Variants in FRYL observed in about 807,000 individuals in gnomAD.
FRYL encodes FRY like transcription coactivator, also known as protein furry homolog-like.
Under a neutral mutation model 351.2 loss-of-function variants are expected in FRYL, and 150 were observed. The observed-to-expected ratio is 0.43, with a 90% CI of 0.37 to 0.49. The LOEUF (loss-of-function observed/expected upper bound fraction) is 0.49. FRYL is among the 20% of genes least tolerant of loss of function. The pLI, the probability that FRYL is intolerant of heterozygous loss-of-function variation, is 0.00. For synonymous variants in FRYL, 1,153 were observed against 1,257.1 expected, an observed-to-expected ratio of 0.92 and a Z score of 1.75; for missense variants, 3,036 against 3,619.3, an observed-to-expected ratio of 0.84 and a Z score of 4.13.
At chr4:48,621,824 T>C (rs1476604873) in intron 5 of FRYL, among the ~76,000 whole-genome samples, 1 of 152,204 alleles carries the variant, frequency 6.6e-6, no homozygotes, top group African/African-American at 2.4e-5. Context: ...TTGGCTGTTC[T>C]CATTTTCATT....
Position 48,501,877 on chromosome 4 carries a change from G to A in FRYL, c.8482-144C>T, listed in dbSNP as rs569727639. The A allele has an allele frequency of 2.1e-4, 124 of 592,298 alleles. 1 individual carries two copies. Among genetic ancestry groups the A allele is most frequent in the South Asian group, 8.8e-4 (42 of 47,890 alleles). 36.7% of individuals were successfully genotyped at this position (592,298 alleles called of 1,614,324 possible). A position where few individuals can be genotyped will look rare whatever the true frequency, so the allele number is the denominator to read the frequency against. ...ATGGTATGAAGCTGATGAAAGGCAC[G>A]TGAAATATGCTTTAAAGACTAAGAT... On this transcript the variant is annotated intron_variant, in intron 61 of 63. Transcript: ENST00000358350.
At chr4:48,712,402 C>G (rs545540869) in intron 1 of FRYL, among the ~76,000 whole-genome samples, 11 of 151,972 alleles carry the variant, frequency 7.2e-5, no homozygotes, top group Admixed American at 1.3e-4. Context: ...AGCCAAGGCT[C>G]GAGAACTACA....
intron 1 of FRYL, among the ~76,000 whole-genome samples, chr4:48,758,710 A>G (rs931369844): frequency 4.6e-5 from 7 of 152,214 alleles, no homozygotes; most frequent in African/African-American, 1.7e-4. Flanking sequence ...ATAACATTTG[A>G]CCCAGTCATC....
In FRYL at chr4:48,550,714, T is replaced by C. The variant is rs538852953; in HGVS notation, c.4521-10A>G. Reference sequence around the variant, plus strand: ...GTCCAGGTGCACATAGCTATGGGAATGATCACTGAAGTTAGTCACAGTTCA... The same window carrying C: ...GTCCAGGTGCACATAGCTATGGGAACGATCACTGAAGTTAGTCACAGTTCA... On this transcript the variant is annotated splice_polypyrimidine_tract_variant and intron_variant, in intron 37 of 63. Coordinates refer to ENST00000358350, the MANE Select transcript of FRYL (RefSeq NM_015030.2). The C allele has an allele frequency of 2.6e-6, 4 of 1,563,540 alleles. No homozygotes were observed. In the African/African-American group the frequency reaches 4.1e-5, roughly 16 times the overall value.
At chr4:48,675,661 G>A (rs908182471) in intron 3 of FRYL, among the ~76,000 whole-genome samples, 17 of 152,166 alleles carry the variant, frequency 1.1e-4, no homozygotes, top group African/African-American at 3.9e-4. Flanking sequence ...TAGCCTCCCC[G>A]ACGAGCACCA....
At chr4:48,752,236 T>C (rs1037627445) in intron 1 of FRYL, among the ~76,000 whole-genome samples, 5 of 152,210 alleles carry the variant, frequency 3.3e-5, no homozygotes, top group African/African-American at 1.2e-4. Context: ...GCTTTATTTA[T>C]GTTGGCATTA....
chr4:48,501,769 TA>T, intron 61 of FRYL, 36 bp from the exon 62 acceptor site: 1 of 1,176,314 alleles, frequency 8.5e-7, no homozygotes, highest in Non-Finnish European at 1.3e-6. Context: ...ATTTAGGTGT[TA>T]TTTTCTAGAC....
intron 3 of FRYL, among the ~76,000 whole-genome samples, chr4:48,655,307 A>G (rs746953794): frequency 3.3e-5 from 5 of 152,150 alleles, no homozygotes; most frequent in African/African-American, 4.8e-5. Flanking sequence ...GAACCATAAT[A>G]CCACAATACT....
chr4:48,609,033 T>C lies in FRYL; in HGVS notation c.526A>G (p.Ile176Val), dbSNP rs1357913787. ...ATCACCTCTGCATATAAATCAGCAA[T>C]AATATGCACATTCCCAGTGTTGGTT... ...SGTNTGNVHI[I>V]ADLYAEVIGV... Residue 176 changes from isoleucine to valine, a missense_variant, in exon 9 of 64, where the codon ATT (isoleucine) becomes GTT (valine). Coordinates refer to ENST00000358350, the MANE Select transcript of FRYL (RefSeq NM_015030.2). 6.2e-7 allele frequency: 1 copy of C among 1,609,520 alleles called. No homozygotes were observed. Among genetic ancestry groups the C allele is most frequent in the Non-Finnish European group, 8.5e-7 (1 of 1,176,308 alleles).
intron 1 of FRYL, among the ~76,000 whole-genome samples, chr4:48,761,637 TTTTC>T (rs1774431176): frequency 6.6e-6 from 1 of 152,188 alleles, no homozygotes; most frequent in Non-Finnish European, 1.5e-5. Context: ...TCTACTGTAC[TTTTC>T]TTTGTTTAGA....
In FRYL at chr4:48,557,060, C is replaced by G; in HGVS notation, c.4184G>C (p.Gly1395Ala). 2 of 1,607,356 alleles carry G rather than the reference C, an allele frequency of 1.2e-6. No individual in the cohort carries two copies. The highest frequency in any genetic ancestry group is 1.7e-6 in the Non-Finnish European group (2 of 1,176,818). The change falls in exon 35 of 64, where the codon GGC becomes GCC. Residue 1395 changes from glycine to alanine, a missense_variant. This residue lies in a region of FRYL where 1,987 missense variants were observed against 2,311.7 expected (regional missense o/e 0.86). Transcript: ENST00000358350. ...VENVWTTLAD[G>A]WPKNLKIILH... ...AATTATTTTCAGGTTTTTGGGCCAG[C>G]CATCTGCAAGTGTGGTCCACACATT...
At chr4:48,742,294 T>A (rs1772180301) in intron 1 of FRYL, among the ~76,000 whole-genome samples, 1 of 152,200 alleles carries the variant, frequency 6.6e-6, no homozygotes, top group East Asian at 1.9e-4. Context: ...CAATTTGGAG[T>A]CTTCATTTTA....
At chr4:48,739,526 T>G (rs953409686) in intron 1 of FRYL, among the ~76,000 whole-genome samples, 4 of 145,266 alleles carry the variant, frequency 2.8e-5, no homozygotes, top group South Asian at 2.2e-4. Context: ...AAAAAATAAA[T>G]AAAGAAATCT....
Position 48,590,829 on chromosome 4 carries a change from C to G in FRYL, c.1337G>C (p.Arg446Thr), listed in dbSNP as rs1743072786. 1 of 1,598,652 alleles carries G rather than the reference C, an allele frequency of 6.3e-7. No individual in the cohort carries two copies. The highest frequency in any genetic ancestry group is 8.5e-7 in the Non-Finnish European group (1 of 1,175,756). ...STKTFTINPE[R>T]MNIGLRVFLV... ...GAAGACTCTGAGACCTATGTTCATT[C>G]TCTTCAAAGGAAAAAAATGCAAAAG... The change falls in exon 17 of 64, where the codon AGA becomes ACA. Residue 446 changes from arginine to threonine, a missense_variant and splice_region_variant. Arg to Thr is a moderately conservative substitution (Grantham distance 71). Around this residue, in one of 7 missense-constraint regions of FRYL, gnomAD observed 457 missense variants for 566.6 expected, o/e 0.81. Coordinates refer to ENST00000358350, the MANE Select transcript of FRYL (RefSeq NM_015030.2).
intron 35 of FRYL, among the ~76,000 whole-genome samples, chr4:48,554,258 A>G (rs2149009535): frequency 6.6e-6 from 1 of 152,200 alleles, no homozygotes; most frequent in South Asian, 2.1e-4. Context: ...AATGATTCGT[A>G]TTTTTACAGA....
intron 49 of FRYL, 76 bp from the exon 50 acceptor site, chr4:48,531,429 TA>T: frequency 1.2e-6 from 1 of 829,238 alleles, no homozygotes; most frequent in Non-Finnish European, 2.0e-6. Flanking sequence ...CTGTACACCA[TA>T]AAAATATTAT....
Position 48,527,538 on chromosome 4 carries a change from T to G in FRYL, c.7256A>C (p.Glu2419Ala). 1 of 1,613,276 alleles carries G rather than the reference T, an allele frequency of 6.2e-7. No homozygotes were observed. The highest frequency in any genetic ancestry group is 8.5e-7 in the Non-Finnish European group (1 of 1,179,476). ...EEVAVEDNSS[E>A]QQFGVFKDFD... ...ATCCTTAAAAACACCAAACTGTTGTTCACTGCTATTATCTTCCACAGCTAC... is the reference window on the plus strand; with the variant it reads ...ATCCTTAAAAACACCAAACTGTTGTGCACTGCTATTATCTTCCACAGCTAC... The change falls in exon 53 of 64, where the codon GAA (glutamate) becomes GCA (alanine). Residue 2419 changes from glutamate to alanine, a missense_variant. Coordinates refer to ENST00000358350, the MANE Select transcript of FRYL (RefSeq NM_015030.2).
chr4:48,723,137 TTTTG>T (rs1769678992), intron 1 of FRYL, among the ~76,000 whole-genome samples: 2 of 152,056 alleles, frequency 1.3e-5, no homozygotes, highest in East Asian at 3.9e-4. Context: ...ACAGGTTTTT[TTTTG>T]TTTGTTTTGT....
chr4:48,596,086 C>A, intron 13 of FRYL, 86 bp from the exon 14 acceptor site: 1 of 878,060 alleles, frequency 1.1e-6, no homozygotes, highest in East Asian at 2.7e-5. Flanking sequence ...AACTAAAAGC[C>A]AATCTTTTTT....
Sources: allele counts gnomAD v4.1 joint callset (sites outside exome capture counted in the v4.1 genomes callset), GRCh38; gene constraint gnomAD v4.1.1; regional missense constraint gnomAD v4.1.1; transcripts MANE v1.5; gene names NCBI Gene and HGNC (gene_info 2026-07-23, HGNC 2026-07-21).